Variants in CNTN5 observed in about 807,000 individuals in gnomAD.
CNTN5 encodes the protein contactin 5.
Under a neutral mutation model 129.1 loss-of-function variants are expected in CNTN5, and 77 were observed. That is an observed-to-expected ratio of 0.60 (90% CI 0.50 to 0.72). The LOEUF is 0.72. CNTN5 is among the 30% of genes least tolerant of loss of function. CNTN5 has a pLI of 0.00. For synonymous variants in CNTN5, 509 were observed against 465.6 expected, an observed-to-expected ratio of 1.09 and a Z score of -1.20; for missense variants, 1,478 against 1,328.8, an observed-to-expected ratio of 1.11 and a Z score of -1.75.
intron 2 of CNTN5, among the ~76,000 whole-genome samples, chr11:99,373,185 G>C (rs1247572558): frequency 6.6e-6 from 1 of 152,116 alleles, no homozygotes; most frequent in Non-Finnish European, 1.5e-5. Context: ...CTCCAGCCAG[G>C]GTGACAAGAA....
chr11:100,344,710 T>TC (rs1952241486), intron 23 of CNTN5, among the ~76,000 whole-genome samples: 1 of 152,136 alleles, frequency 6.6e-6, no homozygotes, highest in African/African-American at 2.4e-5. Flanking sequence ...CCTGATTTGA[T>TC]CTTTACACAT....
At chr11:99,059,029 A>G (rs1864755420) in intron 1 of CNTN5, among the ~76,000 whole-genome samples, 1 of 148,396 alleles carries the variant, frequency 6.7e-6, no homozygotes, top group Non-Finnish European at 1.5e-5. Context: ...AAAGCATATT[A>G]TCCCTCCCTC....
chr11:99,770,724 T>C (rs1379363001), intron 3 of CNTN5, among the ~76,000 whole-genome samples: 2 of 152,122 alleles, frequency 1.3e-5, no homozygotes, highest in African/African-American at 2.4e-5. Context: ...GGGATTTGTT[T>C]TCTTACTATC....
rs539033581 is a variant in CNTN5, at chr11:100,150,606, G to A, written c.1581-40520G>A. On this transcript the variant is annotated intron_variant, in intron 13 of 24. Coordinates refer to ENST00000524871, the MANE Select transcript of CNTN5 (RefSeq NM_014361.4). ...TTCCCTCTCAAAACTTTTCTAATTT[G>A]GATTACAAATTTTTACGGTCAGTCC... Among the ~76,000 whole-genome samples the A allele has an allele frequency of 2.7e-5, 4 of 150,938 alleles. No homozygotes were observed. In the East Asian group the frequency reaches 7.8e-4, roughly 30 times the overall value.
intron 3 of CNTN5, among the ~76,000 whole-genome samples, chr11:99,676,354 G>C (rs1426756250): frequency 3.3e-5 from 5 of 152,164 alleles, no homozygotes; most frequent in Middle Eastern, 3.2e-3. Flanking sequence ...TGGAGCAATA[G>C]AGAAGGTAAA....
intron 18 of CNTN5, among the ~76,000 whole-genome samples, chr11:100,289,460 C>G (rs1950896583): frequency 6.6e-6 from 1 of 151,132 alleles, no homozygotes; most frequent in African/African-American, 2.4e-5. Context: ...TCAATATACG[C>G]AAATCAATAA....
intron 17 of CNTN5, among the ~76,000 whole-genome samples, chr11:100,268,471 A>AT (rs1259739036): frequency 6.6e-6 from 1 of 152,166 alleles, no homozygotes; most frequent in African/African-American, 2.4e-5. Flanking sequence ...AACCAAAATA[A>AT]TGTCATGCCA....
intron 8 of CNTN5, among the ~76,000 whole-genome samples, chr11:99,973,639 C>T (rs951012466): frequency 3.3e-5 from 5 of 151,982 alleles, no homozygotes; most frequent in Admixed American, 1.3e-4. Flanking sequence ...CTAATTCTCA[C>T]GTTTTGTCTC....
chr11:99,557,231 A>G (rs948930651), intron 3 of CNTN5, among the ~76,000 whole-genome samples: 2 of 151,322 alleles, frequency 1.3e-5, no homozygotes, highest in Non-Finnish European at 3.0e-5. Flanking sequence ...ACTCTATGCA[A>G]ATATTGATAT....
Position 100,126,632 on chromosome 11 carries a change from G to T in CNTN5, c.1580+52338G>T, listed in dbSNP as rs559407176. 1.1e-4 allele frequency among the ~76,000 whole-genome samples: 16 copies of T among 151,986 alleles called. No homozygotes were observed. The South Asian group carries it at 3.3e-3, about 32-fold the overall frequency. On this transcript the variant is annotated intron_variant, in intron 13 of 24. Coordinates refer to ENST00000524871, the MANE Select transcript of CNTN5 (RefSeq NM_014361.4). ...CTGTTTTATGTTTTCCTTTTGCAAG[G>T]TAGATCTTTCTTGAACCCTTTACTT...
chr11:99,402,659 T>C (rs111893457), intron 2 of CNTN5, among the ~76,000 whole-genome samples: 2,122 of 152,292 alleles, frequency 0.014, 25 homozygotes, highest in Non-Finnish European at 0.024. Flanking sequence ...GTATTAGTTC[T>C]TTAAATGTTT....
intron 8 of CNTN5, among the ~76,000 whole-genome samples, chr11:99,973,933 TGTGTCTTCAAAGTAGACATACTGA>T (rs1937753878): frequency 6.6e-6 from 1 of 152,232 alleles, no homozygotes; most frequent in Non-Finnish European, 1.5e-5. Flanking sequence ...AAATGAGTGT[TGTGTCTTCAAAGTAGACATACTGA>T]GAGGTAATTC....
chr11:99,641,540 C>A (rs1273156152), intron 3 of CNTN5, among the ~76,000 whole-genome samples: 2 of 152,074 alleles, frequency 1.3e-5, no homozygotes, highest in Non-Finnish European at 2.9e-5. Context: ...GGAGAAATGG[C>A]AAGCCACCCC....
At chr11:99,628,466 A>G (rs570049232) in intron 3 of CNTN5, among the ~76,000 whole-genome samples, 17 of 152,042 alleles carry the variant, frequency 1.1e-4, no homozygotes, top group African/African-American at 1.7e-4. Context: ...TCAACCTCCA[A>G]TGCTTTGTAA....
chr11:99,992,325 T>G (rs1939162248), intron 8 of CNTN5, among the ~76,000 whole-genome samples: 1 of 152,214 alleles, frequency 6.6e-6, no homozygotes, highest in Non-Finnish European at 1.5e-5. Flanking sequence ...AACACTCAGC[T>G]CTGCTGGGAG....
intron 2 of CNTN5, among the ~76,000 whole-genome samples, chr11:99,474,724 G>T (rs1945303495): frequency 6.6e-6 from 1 of 151,872 alleles, no homozygotes; most frequent in Admixed American, 6.6e-5. Flanking sequence ...TATATTTTTT[G>T]AGCGTTTTCA....
chr11:99,391,069 G>A (rs996424333), intron 2 of CNTN5, among the ~76,000 whole-genome samples: 13 of 151,812 alleles, frequency 8.6e-5, no homozygotes, highest in Admixed American at 5.9e-4. Flanking sequence ...AACACCTTTT[G>A]TATTATTACT....
At chr11:99,219,829 G>A (rs1366589048) in intron 1 of CNTN5, among the ~76,000 whole-genome samples, 3 of 151,896 alleles carry the variant, frequency 2.0e-5, no homozygotes, top group Admixed American at 6.6e-5. Context: ...GGCAGGAATC[G>A]AGATGAGAGA....
chr11:99,646,997 C>T (rs1255396751), intron 3 of CNTN5, among the ~76,000 whole-genome samples: 1 of 151,862 alleles, frequency 6.6e-6, no homozygotes, highest in Non-Finnish European at 1.5e-5. Context: ...TCTTTTTACT[C>T]TTGTTTCCTT....
Sources: gnomAD v4.1 joint callset for allele counts (sites outside exome capture counted in the v4.1 genomes callset) on GRCh38, gnomAD v4.1.1 for gene constraint, MANE v1.5 for transcripts, NCBI Gene and HGNC (gene_info 2026-07-23, HGNC 2026-07-21) for gene names.